The following KCNQ1 variants were observed in gnomAD, a reference collection of about 807,000 sequenced individuals.
KCNQ1 encodes the protein potassium voltage-gated channel subfamily KQT member 1.
KCNQ1 carries 49 observed loss-of-function variants against 72.4 expected under a neutral mutation model. The observed-to-expected ratio is 0.68, with a 90% CI of 0.54 to 0.86. KCNQ1 has a LOEUF of 0.86. KCNQ1 is among the 40% of genes least tolerant of loss of function. KCNQ1 has a pLI of 0.00. For missense variants in KCNQ1, 790 were observed against 945.1 expected, an observed-to-expected ratio of 0.84 and a Z score of 2.15; for synonymous variants, 450 against 412.6, an observed-to-expected ratio of 1.09 and a Z score of -1.10.
intron 15 of KCNQ1, among the ~76,000 whole-genome samples, chr11:2,847,055 A>T (rs535510382): frequency 6.6e-6 from 1 of 152,296 alleles, no homozygotes; most frequent in South Asian, 2.1e-4. Flanking sequence ...TGTCCCCGCT[A>T]GGTTAAAGAC....
intron 11 of KCNQ1, chr11:2,699,496 C>G (rs1850738451): frequency 5.6e-6 from 1 of 180,142 alleles, no homozygotes; most frequent in Non-Finnish European, 8.8e-6. Context: ...GGGGAGAGTG[C>G]CGCGCTGAGG....
intron 2 of KCNQ1, among the ~76,000 whole-genome samples, chr11:2,557,225 A>G (rs528883354): frequency 6.6e-5 from 10 of 152,364 alleles, no homozygotes; most frequent in African/African-American, 2.4e-4. Flanking sequence ...ACAAGTGTGA[A>G]TGAGATCAGG....
Position 2,498,972 on chromosome 11 carries a change from G to T in KCNQ1, c.387-28956G>T, listed in dbSNP as rs1395678626. Among the ~76,000 whole-genome samples the T allele has an allele frequency of 1.3e-5, 2 of 152,188 alleles. No individual in the cohort carries two copies. The highest frequency in any genetic ancestry group is 2.1e-4 in the South Asian group (1 of 4,830). On this transcript the variant is annotated intron_variant, in intron 1 of 15. Transcript: ENST00000155840. This position sits in a 1 kb window ranked among gnomAD's most constrained non-coding sequence, Gnocchi z 4.8. ...ATGTTTGCAGTTCCCTCGGCTGGGG[G>T]AGGGAGGTCTCCCGGCTCCTTGCAC...
rs368962300 is a variant in KCNQ1 at position 2,837,310 on chromosome 11, T to TGGGGAC, written c.1795-10455_1795-10450dup. Among the ~76,000 whole-genome samples, 416 of 151,910 alleles carry TGGGGAC rather than the reference T, an allele frequency of 2.7e-3. 2 individuals are homozygous for TGGGGAC. The highest frequency in any genetic ancestry group is 9.8e-3 in the African/African-American group (407 of 41,416). On this transcript the variant is annotated intron_variant, in intron 15 of 15. Transcript: ENST00000155840. ...GGCCTCTCAGTGGTGCCCAGGGAGCTGGGGACGAGGGGCCTCATCCTTCCC... is the reference window on the plus strand; with the variant it reads ...GGCCTCTCAGTGGTGCCCAGGGAGCTGGGGACGGGGACGAGGGGCCTCATCCTTCCC...
rs143813820 is a variant in KCNQ1 at position 2,766,851 on chromosome 11, CG to C, written c.1515-1992del. Among the ~76,000 whole-genome samples, 354 of 152,296 alleles carry C rather than the reference CG, an allele frequency of 2.3e-3. 2 individuals carry two copies. Among genetic ancestry groups the C allele is most frequent in the African/African-American group, 8.2e-3 (341 of 41,554 alleles). ...TTTCTGTATCAGTTACCTATTGTTG[CG>C]TAGCAAACTAGACCTAAATTTAGTG... On this transcript the variant is annotated intron_variant, in intron 11 of 15. Transcript: ENST00000155840. This position sits in a 1 kb window ranked among gnomAD's most constrained non-coding sequence, Gnocchi z 4.4.
intron 11 of KCNQ1, chr11:2,681,246 C>T (rs1483381827): frequency 5.0e-6 from 2 of 398,460 alleles, no homozygotes; most frequent in Non-Finnish European, 8.8e-6. Context: ...GAGAGTATTC[C>T]TGCCTCCCCA....
intron 11 of KCNQ1, among the ~76,000 whole-genome samples, chr11:2,733,774 C>CACACACA (rs1845891956): frequency 6.6e-4 from 38 of 57,568 alleles, no homozygotes; most frequent in East Asian, 2.8e-3. Context: ...TTCAGGCCTT[C>CACACACA]CACACACACA....
Position 2,562,471 on chromosome 11 carries a change from A to G in KCNQ1, c.478-8157A>G, listed in dbSNP as rs1848186566. Among the ~76,000 whole-genome samples, 1 of 152,168 alleles carries G rather than the reference A, an allele frequency of 6.6e-6. No individual in the cohort carries two copies. The highest frequency in any genetic ancestry group is 1.5e-5 in the Non-Finnish European group (1 of 68,012). ...GTGGAGTTGGAACAGCTGGCCCCAAAGCCCGCCAGCCGGGCTCTATGCTGT... is the reference window on the plus strand; with the variant it reads ...GTGGAGTTGGAACAGCTGGCCCCAAGGCCCGCCAGCCGGGCTCTATGCTGT... On this transcript the variant is annotated intron_variant, in intron 2 of 15. Transcript: ENST00000155840. The surrounding 1 kb of genome is among the most constrained non-coding windows in gnomAD (Gnocchi z 7.5).
intron 6 of KCNQ1, among the ~76,000 whole-genome samples, chr11:2,580,400 A>G (rs546837851): frequency 4.2e-5 from 6 of 142,636 alleles, no homozygotes; most frequent in African/African-American, 1.2e-4. Context: ...TTATTAAAAT[A>G]ATAGACCCAT....
rs527584988 is a variant in KCNQ1, at chr11:2,601,740, G to T, written c.1393+12886G>T. On this transcript the variant is annotated intron_variant, in intron 10 of 15. Transcript: ENST00000155840. The surrounding 1 kb of genome is among the most constrained non-coding windows in gnomAD (Gnocchi z 5.2). Reference sequence around the variant, plus strand: ...GGATTCATTCCGGTTGTTTTGTATCGCGACAGTTCATTAAATCATAGTGCT... The same window carrying T: ...GGATTCATTCCGGTTGTTTTGTATCTCGACAGTTCATTAAATCATAGTGCT... Among the ~76,000 whole-genome samples the T allele has an allele frequency of 6.6e-6, 1 of 152,096 alleles. No individual in the cohort carries two copies. Among genetic ancestry groups the T allele is most frequent in the African/African-American group, 2.4e-5 (1 of 41,402 alleles).
At chr11:2,614,704 A>G (rs566467283) in intron 10 of KCNQ1, 1 of 398,408 alleles carries the variant, frequency 2.5e-6, no homozygotes, top group African/African-American at 2.1e-5. Context: ...GTTTATTTCT[A>G]CATTCTCTAT....
chr11:2,504,126 G>A (rs916242567), intron 1 of KCNQ1, among the ~76,000 whole-genome samples: 6 of 152,146 alleles, frequency 3.9e-5, no homozygotes, highest in East Asian at 1.9e-4. Flanking sequence ...GTGTATACAC[G>A]CAACGGTATA....
At chr11:2,501,755 C>A (rs10832179) in intron 1 of KCNQ1, among the ~76,000 whole-genome samples, 3 of 135,592 alleles carry the variant, frequency 2.2e-5, no homozygotes, top group Non-Finnish European at 3.1e-5. Context: ...AAAGGAACCA[C>A]GGGCCAATAT....
chr11:2,801,194 T>G (rs1809794176), intron 15 of KCNQ1, among the ~76,000 whole-genome samples: 1 of 152,164 alleles, frequency 6.6e-6, no homozygotes, highest in South Asian at 2.1e-4. Flanking sequence ...GGCTCCCCAG[T>G]TCCAACAGGA....
chr11:2,795,197 C>T (rs1171277709), intron 15 of KCNQ1, among the ~76,000 whole-genome samples: 3 of 152,248 alleles, frequency 2.0e-5, no homozygotes, highest in Admixed American at 6.5e-5. Flanking sequence ...CCCGACCTCT[C>T]GGGTGCTGTA....
At position 2,492,294 on chromosome 11, in the gene KCNQ1, T is replaced by C. The variant is rs1286152317; in HGVS notation, c.387-35634T>C. On this transcript the variant is annotated intron_variant, in intron 1 of 15. Coordinates refer to ENST00000155840, the MANE Select transcript of KCNQ1 (RefSeq NM_000218.3). This position sits in a 1 kb window ranked among gnomAD's most constrained non-coding sequence, Gnocchi z 4.1. ...TTTTGCGGTACAATAGGCAGTACAA[T>C]AAGATATAGAGACAAAAAAACTTAA... 6.6e-6 allele frequency among the ~76,000 whole-genome samples: 1 copy of C among 152,266 alleles called. No homozygotes were observed. The highest frequency in any genetic ancestry group is 1.5e-5 in the Non-Finnish European group (1 of 67,994).
At position 2,677,806 on chromosome 11, in the gene KCNQ1, T is replaced by C. The variant is rs1305103165; in HGVS notation, c.1514+15725T>C. On this transcript the variant is annotated intron_variant, in intron 11 of 15. Transcript: ENST00000155840. The surrounding 1 kb of genome is among the most constrained non-coding windows in gnomAD (Gnocchi z 4.5). ...CCCATTTCCAGCAGGATTAAAATGT[T>C]CATTTATGTTGTGATAGATACTGCC... is the stretch of plus-strand genomic sequence containing the variant. 7.5e-6 allele frequency: 3 copies of C among 398,438 alleles called. No homozygotes were observed. The highest frequency in any genetic ancestry group is 1.3e-5 in the Non-Finnish European group (3 of 226,056). The allele number at this position is 398,438 out of a possible 1,614,324, so 24.7% of individuals were successfully genotyped here.
intron 11 of KCNQ1, among the ~76,000 whole-genome samples, chr11:2,722,376 G>C (rs1158815855): frequency 6.6e-6 from 1 of 152,188 alleles, no homozygotes; most frequent in African/African-American, 2.4e-5. Flanking sequence ...CCCATCCTGG[G>C]AGCTGAGTGC....
In KCNQ1 at chr11:2,725,826, T is replaced by A. The variant is rs573266660; in HGVS notation, c.1515-43018T>A. On this transcript the variant is annotated intron_variant, in intron 11 of 15. Transcript: ENST00000155840. This position sits in a 1 kb window ranked among gnomAD's most constrained non-coding sequence, Gnocchi z 7.2. ...CACAGGTCACCTGCCTGGTTAATCA[T>A]CCTGGGCTCTGAGAGCTCCCTGGGG... 2.9e-5 allele frequency among the ~76,000 whole-genome samples: 4 copies of A among 138,044 alleles called. No individual in the cohort carries two copies. Among genetic ancestry groups the A allele is most frequent in the African/African-American group, 8.0e-5 (3 of 37,550 alleles). The allele number at this position is 138,044 out of a possible 152,430, so 90.6% of individuals were successfully genotyped here.
Sources: allele counts gnomAD v4.1 joint callset (sites outside exome capture counted in the v4.1 genomes callset), GRCh38; gene constraint gnomAD v4.1.1; non-coding constraint Gnocchi (gnomAD v3.1); transcripts MANE v1.5; gene names NCBI Gene and HGNC (gene_info 2026-07-23, HGNC 2026-07-21).